The following GADL1 variants were observed in gnomAD, a reference collection of about 807,000 sequenced individuals.
The protein encoded by GADL1 is GAD like acidic amino acid decarboxylase 1.
In GADL1, 71 loss-of-function variants were observed where a neutral mutation model predicts 69.5. The observed-to-expected ratio is 1.02, with a 90% CI of 0.84 to 1.25. The LOEUF (loss-of-function observed/expected upper bound fraction) is 1.25. GADL1 is among the 50% of genes most tolerant of loss of function. The pLI, the probability that GADL1 is intolerant of heterozygous loss-of-function variation, is 0.00. For missense variants in GADL1, 737 were observed against 631.8 expected, an observed-to-expected ratio of 1.17 and a Z score of -1.79; for synonymous variants, 254 against 214.4, an observed-to-expected ratio of 1.18 and a Z score of -1.62.
At chr3:30,742,928 G>C (rs9865513) in intron 14 of GADL1, among the ~76,000 whole-genome samples, 37,487 of 151,408 alleles carry the variant, frequency 0.25, 4,864 homozygotes, top group Non-Finnish European at 0.29. Context: ...GCTACTTAAA[G>C]CATGCTTCTG....
rs747521536 is a variant in GADL1 at position 30,833,929 on chromosome 3, TCAGC to T, written c.970_973del (p.Ala324ThrfsTer11). The T allele has an allele frequency of 1.2e-5, 20 of 1,611,066 alleles. No individual in the cohort carries two copies. In the Middle Eastern group the frequency reaches 1.5e-3, roughly 119 times the overall value. ...CTTGTGTGGGTTCCAGGCCACAGAGTCAGCCCTATTGTTTAAACAAAGGGACAGA... is the reference window on the plus strand; with the variant it reads ...CTTGTGTGGGTTCCAGGCCACAGAGTCCTATTGTTTAAACAAAGGGACAGA... On this transcript the variant is annotated frameshift_variant and splice_region_variant, in exon 11 of 15. Transcript: ENST00000282538. LOFTEE classifies it high-confidence loss of function.
intron 14 of GADL1, among the ~76,000 whole-genome samples, chr3:30,752,689 G>A (rs563150667): frequency 5.3e-4 from 80 of 152,278 alleles, no homozygotes; most frequent in South Asian, 1.2e-3. Context: ...GCAGAAGGGA[G>A]AAAGTGACTG....
chr3:30,883,767 T>C (rs1698672261), intron 1 of GADL1, among the ~76,000 whole-genome samples: 1 of 152,016 alleles, frequency 6.6e-6, no homozygotes, highest in Non-Finnish European at 1.5e-5. Context: ...AATTTTCTAA[T>C]CCATGAACAC....
intron 14 of GADL1, among the ~76,000 whole-genome samples, chr3:30,751,684 C>G (rs1047859591): frequency 2.6e-5 from 4 of 152,116 alleles, no homozygotes; most frequent in African/African-American, 9.7e-5. Context: ...TTCATCTAGT[C>G]TTAACTACAA....
chr3:30,763,993 A>C (rs899783600), intron 14 of GADL1, among the ~76,000 whole-genome samples: 2 of 152,154 alleles, frequency 1.3e-5, no homozygotes, highest in African/African-American at 4.8e-5. Flanking sequence ...AAATACATAA[A>C]ATATTTCTAC....
At chr3:30,769,628 CCA>C (rs1696370920) in intron 14 of GADL1, among the ~76,000 whole-genome samples, 1 of 152,080 alleles carries the variant, frequency 6.6e-6, no homozygotes, top group South Asian at 2.1e-4. Context: ...GCATTGAAGC[CCA>C]GAGGCCCCAT....
chr3:30,733,902 C>CT lies in GADL1; in HGVS notation c.1393-5488dup, dbSNP rs552206598. Reference sequence around the variant, plus strand: ...TGGGCTTTCCCCGTGCCTCCCCCTTCTGAGGGGGTGCTCCAATGCAGTGGC... The same window carrying CT: ...TGGGCTTTCCCCGTGCCTCCCCCTTCTTGAGGGGGTGCTCCAATGCAGTGGC... On this transcript the variant is annotated intron_variant, in intron 14 of 14. Coordinates refer to ENST00000282538, the MANE Select transcript of GADL1 (RefSeq NM_207359.3). Among the ~76,000 whole-genome samples the CT allele has an allele frequency of 3.8e-4, 58 of 152,212 alleles. No homozygotes were observed. In the South Asian group the frequency reaches 0.011, roughly 30 times the overall value.
intron 12 of GADL1, among the ~76,000 whole-genome samples, chr3:30,795,435 A>G (rs113603468): frequency 6.6e-6 from 1 of 152,176 alleles, no homozygotes; most frequent in African/African-American, 2.4e-5. Context: ...AATTTCCTCA[A>G]CTACAACCAT....
intron 14 of GADL1, among the ~76,000 whole-genome samples, chr3:30,755,823 A>ATT (rs1559488947): frequency 5.0e-5 from 5 of 100,110 alleles, no homozygotes; most frequent in South Asian, 3.1e-4. Flanking sequence ...TGCCAAAGGT[A>ATT]CTTTTTTTCC....
Position 30,741,140 on chromosome 3 carries a change from G to A in GADL1, c.1393-12725C>T, listed in dbSNP as rs112823584. Among the ~76,000 whole-genome samples the A allele has an allele frequency of 2.5e-3, 223 of 88,948 alleles. 2 individuals are homozygous for A. The highest frequency in any genetic ancestry group is 0.012 in the Middle Eastern group (2 of 168). The allele number at this position is 88,948 out of a possible 152,430, so 58.4% of individuals were successfully genotyped here. Reference sequence around the variant, plus strand: ...TATATATATATATATATATATATATGTGTGAGATAGGTGGTTTGTTTGTAT... The same window carrying A: ...TATATATATATATATATATATATATATGTGAGATAGGTGGTTTGTTTGTAT... On this transcript the variant is annotated intron_variant, in intron 14 of 14. Coordinates refer to ENST00000282538, the MANE Select transcript of GADL1 (RefSeq NM_207359.3).
chr3:30,844,510 T>A (rs372206246), intron 6 of GADL1, 44 bp from the exon 7 acceptor site: 12 of 1,258,566 alleles, frequency 9.5e-6, no homozygotes, highest in African/African-American at 5.9e-5. Context: ...CATGAAAACA[T>A]AGCACAAAAA....
At chr3:30,766,897 A>AT (rs1178014899) in intron 14 of GADL1, among the ~76,000 whole-genome samples, 6 of 152,192 alleles carry the variant, frequency 3.9e-5, no homozygotes, top group Non-Finnish European at 7.3e-5. Context: ...GAAGTCTATT[A>AT]TTGTGATAGT....
At chr3:30,808,418 A>C (rs955657170) in intron 11 of GADL1, among the ~76,000 whole-genome samples, 3 of 151,844 alleles carry the variant, frequency 2.0e-5, no homozygotes, top group African/African-American at 7.3e-5. Context: ...GAATCGCTTG[A>C]ACCTGGGAGG....
chr3:30,887,393 A>G (rs549548276), intron 1 of GADL1, among the ~76,000 whole-genome samples: 1 of 152,244 alleles, frequency 6.6e-6, no homozygotes, highest in African/African-American at 2.4e-5. Context: ...TAATGAATTA[A>G]TGGGTTATCA....
intron 14 of GADL1, among the ~76,000 whole-genome samples, chr3:30,760,079 T>C (rs1173561766): frequency 6.6e-6 from 1 of 152,236 alleles, no homozygotes; most frequent in Non-Finnish European, 1.5e-5. Context: ...AGTTTTGTGA[T>C]TGTTTCACAG....
At position 30,767,927 on chromosome 3, in the gene GADL1, AAT is replaced by A. The variant is rs531933822; in HGVS notation, c.1392+10250_1392+10251del. Among the ~76,000 whole-genome samples, 21 of 152,276 alleles carry A rather than the reference AAT, an allele frequency of 1.4e-4. No homozygotes were observed. In the South Asian group the frequency reaches 4.4e-3, roughly 32 times the overall value. On this transcript the variant is annotated intron_variant, in intron 14 of 14. Transcript: ENST00000282538. ...AAATACTTAAAATATGAAAAAAATG[AAT>A]ACACTGACAATCAGTAAAGAGAAAT...
rs539209055 is a variant in GADL1 at position 30,860,239 on chromosome 3, A to AC, written c.210+1353dup. Among the ~76,000 whole-genome samples the AC allele has an allele frequency of 1.8e-3, 276 of 150,522 alleles. 3 individuals are homozygous for AC. The highest frequency in any genetic ancestry group is 6.1e-3 in the African/African-American group (251 of 40,960). On this transcript the variant is annotated intron_variant, in intron 2 of 14. Transcript: ENST00000282538. Reference sequence around the variant, plus strand: ...AAGCATTTATCACATCCTTACTGGGACCCCCCGCTGCCTTTTCTAATGAAA... The same window carrying AC: ...AAGCATTTATCACATCCTTACTGGGACCCCCCCGCTGCCTTTTCTAATGAAA...
chr3:30,882,186 A>T (rs148003990), intron 1 of GADL1, among the ~76,000 whole-genome samples: 2,716 of 151,968 alleles, frequency 0.018, 28 homozygotes, highest in Non-Finnish European at 0.029. Flanking sequence ...AAAATTTACC[A>T]TCTTAACCAT....
chr3:30,777,818 A>G (rs1696570470), intron 14 of GADL1, among the ~76,000 whole-genome samples: 1 of 152,210 alleles, frequency 6.6e-6, no homozygotes, highest in African/African-American at 2.4e-5. Context: ...TTCTAACATT[A>G]TTTCCAAGTA....
Sources: gnomAD v4.1 joint callset for allele counts (sites outside exome capture counted in the v4.1 genomes callset) on GRCh38, gnomAD v4.1.1 for gene constraint, MANE v1.5 for transcripts, NCBI Gene and HGNC (gene_info 2026-07-23, HGNC 2026-07-21) for gene names.